RASAL2: variants seen among roughly 807,000 people sequenced by gnomAD.
RASAL2 encodes the protein RAS protein activator like 2.
RASAL2 carries 58 observed loss-of-function variants against 128.9 expected under a neutral mutation model. That is an observed-to-expected ratio of 0.45 (90% CI 0.36 to 0.56). RASAL2 has a LOEUF of 0.56. Among genes scored for constraint, RASAL2 ranks in the 20% least tolerant of loss-of-function variants. RASAL2 has a pLI of 0.00. For synonymous variants in RASAL2, 561 were observed against 580.8 expected, an observed-to-expected ratio of 0.97 and a Z score of 0.49; for missense variants, 1,360 against 1,601.6, an observed-to-expected ratio of 0.85 and a Z score of 2.57.
chr1:178,424,023 G>A (rs1480670951), intron 5 of RASAL2, among the ~76,000 whole-genome samples: 2 of 152,002 alleles, frequency 1.3e-5, no homozygotes, highest in African/African-American at 2.4e-5. Context: ...GGGAAGGGGG[G>A]CTTATCTGAT....
chr1:178,100,031 T>C (rs1658834831), intron 1 of RASAL2, among the ~76,000 whole-genome samples: 1 of 152,142 alleles, frequency 6.6e-6, no homozygotes, highest in African/African-American at 2.4e-5. Context: ...GGTCAGACTT[T>C]ACTGCCAGAA....
At chr1:178,151,148 G>C (rs1660900891) in intron 1 of RASAL2, among the ~76,000 whole-genome samples, 1 of 152,156 alleles carries the variant, frequency 6.6e-6, no homozygotes, top group Non-Finnish European at 1.5e-5. Flanking sequence ...ACGTCTGTAA[G>C]TAATCCCAGC....
intron 1 of RASAL2, among the ~76,000 whole-genome samples, chr1:178,100,457 G>C (rs1658853978): frequency 2.6e-5 from 4 of 151,758 alleles, no homozygotes; most frequent in Admixed American, 1.3e-4. Context: ...CCAGGAGGGA[G>C]AGGTTGCAGC....
At chr1:178,102,605 G>C (rs775027146) in intron 1 of RASAL2, among the ~76,000 whole-genome samples, 8 of 151,868 alleles carry the variant, frequency 5.3e-5, no homozygotes, top group Non-Finnish European at 1.0e-4. Context: ...TACATATTTG[G>C]TATCAAACTG....
At chr1:178,202,530 C>G (rs996246373) in intron 1 of RASAL2, among the ~76,000 whole-genome samples, 2 of 152,198 alleles carry the variant, frequency 1.3e-5, no homozygotes, top group Admixed American at 6.5e-5. Flanking sequence ...AGCAGTGCAC[C>G]TGGGTGTGCA....
At chr1:178,233,186 G>A (rs1215013896) in intron 1 of RASAL2, among the ~76,000 whole-genome samples, 1 of 152,228 alleles carries the variant, frequency 6.6e-6, no homozygotes, top group Non-Finnish European at 1.5e-5. Flanking sequence ...TGCTTAAGCA[G>A]TCAAATGTTT....
chr1:178,477,066 T>A lies in RASAL2; in HGVS notation c.*3827T>A, dbSNP rs940990648. 5 of 152,712 alleles carry A rather than the reference T, an allele frequency of 3.3e-5. No homozygotes were observed. The highest frequency in any genetic ancestry group is 1.2e-4 in the African/African-American group (5 of 41,434). 9.5% of individuals were successfully genotyped at this position (152,712 alleles called of 1,614,324 possible). A position where few individuals can be genotyped will look rare whatever the true frequency, so the allele number is the denominator to read the frequency against. ...CACGCTTGACACCAGACTAGACTTG[T>A]CACAGGGCCAAACCCAACAGCCACA... On this transcript the variant is annotated 3_prime_UTR_variant, in exon 18 of 18. Coordinates refer to ENST00000367649, the MANE Select transcript of RASAL2 (RefSeq NM_170692.4).
chr1:178,414,787 G>A (rs1427776915), intron 4 of RASAL2, among the ~76,000 whole-genome samples: 1 of 152,128 alleles, frequency 6.6e-6, no homozygotes, highest in Admixed American at 6.5e-5. Flanking sequence ...TTCTTTAATA[G>A]ATATAGCCCT....
chr1:178,306,607 G>A (rs1044940873), intron 3 of RASAL2, among the ~76,000 whole-genome samples: 2 of 151,894 alleles, frequency 1.3e-5, no homozygotes, highest in African/African-American at 2.4e-5. Flanking sequence ...GTGTGAGATG[G>A]TATCTCATTG....
chr1:178,325,751 G>A (rs941721279), intron 3 of RASAL2, among the ~76,000 whole-genome samples: 1 of 152,170 alleles, frequency 6.6e-6, no homozygotes, highest in Non-Finnish European at 1.5e-5. Context: ...CACTGATACA[G>A]TATAGAGTTA....
chr1:178,420,606 C>T lies in RASAL2; in HGVS notation c.660C>T (p.Arg220=), dbSNP rs1279373344. The part of the protein sequence containing the change: ...RNTSFRLPSL[R]STDDRSRGLP... ...CGAGCTTTCGGCTTCCATCCCTTCG[C>T]AGTACAGATGACAGGTAGGAAGTTA... is the stretch of plus-strand genomic sequence containing the variant. Residue 220 remains arginine, a synonymous_variant, in exon 5 of 18, where the codon CGC becomes CGT. Transcript: ENST00000367649. 5 of 1,606,832 alleles carry T rather than the reference C, an allele frequency of 3.1e-6. No homozygotes were observed. In the Admixed American group the frequency reaches 8.4e-5, roughly 27 times the overall value.
chr1:178,374,011 A>G (rs1671860167), intron 3 of RASAL2, among the ~76,000 whole-genome samples: 1 of 152,286 alleles, frequency 6.6e-6, no homozygotes, highest in East Asian at 1.9e-4. Flanking sequence ...AAGGGCTACA[A>G]TAAGTTTAGT....
intron 10 of RASAL2, among the ~76,000 whole-genome samples, chr1:178,452,194 T>G (rs1460344904): frequency 6.6e-6 from 1 of 152,166 alleles, no homozygotes; most frequent in Admixed American, 6.5e-5. Context: ...TTTAAACTAA[T>G]CCAGAGTTCT....
At chr1:178,425,313 A>G (rs1051507506) in intron 5 of RASAL2, among the ~76,000 whole-genome samples, 7 of 152,196 alleles carry the variant, frequency 4.6e-5, no homozygotes, top group African/African-American at 1.7e-4. Flanking sequence ...TGGAAAGGTA[A>G]AATTCCAGTT....
At chr1:178,454,369 G>T in intron 11 of RASAL2, 78 bp from the exon 12 acceptor site, 1 of 1,221,156 alleles carries the variant, frequency 8.2e-7, no homozygotes, top group South Asian at 1.3e-5. Context: ...AAAAGTAATA[G>T]TTCTGTGTAA....
intron 4 of RASAL2, among the ~76,000 whole-genome samples, chr1:178,413,908 A>G (rs1674578431): frequency 1.3e-5 from 2 of 152,138 alleles, no homozygotes; most frequent in Admixed American, 6.5e-5. Context: ...ACAGGACACA[A>G]TTGAGGAAAG....
chr1:178,210,274 C>T (rs970819520), intron 1 of RASAL2, among the ~76,000 whole-genome samples: 12 of 152,044 alleles, frequency 7.9e-5, no homozygotes, highest in Non-Finnish European at 1.2e-4. Flanking sequence ...GATTTATTGT[C>T]TTATATATTG....
At position 178,458,407 on chromosome 1, in the gene RASAL2, G is replaced by C; in HGVS notation, c.3115G>C (p.Gly1039Arg). 1 of 1,614,202 alleles carries C rather than the reference G, an allele frequency of 6.2e-7. No individual in the cohort carries two copies. The highest frequency in any genetic ancestry group is 8.5e-7 in the Non-Finnish European group (1 of 1,180,036). Residue 1039 changes from glycine to arginine, a missense_variant, in exon 14 of 18, where the codon GGG becomes CGG. Around this residue, in one of 3 missense-constraint regions of RASAL2, gnomAD observed 741 missense variants for 868.6 expected, o/e 0.85. Transcript: ENST00000367649. Reference sequence around the variant, plus strand: ...ACACAGTGCTTCTTTACGTAGCACCGGGAGCATGTCAGTGGTGTCCGCAGC... The same window carrying C: ...ACACAGTGCTTCTTTACGTAGCACCCGGAGCATGTCAGTGGTGTCCGCAGC... ...LPHSASLRST[G>R]SMSVVSAALV...
Position 178,474,296 on chromosome 1 carries a change from T to C in RASAL2, c.*1057T>C, listed in dbSNP as rs1325314481. 6.6e-6 allele frequency: 1 copy of C among 152,656 alleles called. No individual in the cohort carries two copies. The highest frequency in any genetic ancestry group is 6.5e-5 in the Admixed American group (1 of 15,292). 9.5% of individuals were successfully genotyped at this position (152,656 alleles called of 1,614,324 possible). Reference sequence around the variant, plus strand: ...TAAAAATTTTTTCTATGTGTTGTTATAATTTTTGTTTGGGATAAAGACTCT... The same window carrying C: ...TAAAAATTTTTTCTATGTGTTGTTACAATTTTTGTTTGGGATAAAGACTCT... On this transcript the variant is annotated 3_prime_UTR_variant, in exon 18 of 18. Coordinates refer to ENST00000367649, the MANE Select transcript of RASAL2 (RefSeq NM_170692.4).
Sources: gnomAD v4.1 joint callset for allele counts (sites outside exome capture counted in the v4.1 genomes callset) on GRCh38, gnomAD v4.1.1 for gene constraint, gnomAD v4.1.1 regional missense constraint, MANE v1.5 for transcripts, NCBI Gene and HGNC (gene_info 2026-07-23, HGNC 2026-07-21) for gene names.